The following THOP1 variants were observed in gnomAD, a reference collection of about 807,000 sequenced individuals.
THOP1 encodes the protein thimet oligopeptidase 1, also known as thimet oligopeptidase.
A neutral mutation model predicts 71.8 loss-of-function variants in THOP1; 49 were observed. The observed-to-expected ratio is 0.68, with a 90% CI of 0.54 to 0.87. The LOEUF (loss-of-function observed/expected upper bound fraction) is 0.87. Ranked by LOEUF, THOP1 falls within the 40% of genes least tolerant of loss-of-function variation. THOP1 has a pLI of 0.00. For synonymous variants in THOP1, 426 were observed against 421.5 expected, an observed-to-expected ratio of 1.01 and a Z score of -0.13; for missense variants, 843 against 975.6, an observed-to-expected ratio of 0.86 and a Z score of 1.81.
chr19:2,812,982 G>GC (rs1421324506), intron 12 of THOP1, 133 bp from the exon 13 acceptor site: 3 of 1,059,076 alleles, frequency 2.8e-6, no homozygotes, highest in Non-Finnish European at 2.7e-6. Flanking sequence ...GATGCAGGCG[G>GC]CCCCCGGGCC....
chr19:2,796,273 G>T, intron 4 of THOP1, 85 bp downstream of exon 4: 3 of 1,108,920 alleles, frequency 2.7e-6, no homozygotes, highest in Non-Finnish European at 3.9e-6. Context: ...CAGTCCCAGG[G>T]AGTGGTGGGA....
At chr19:2,799,472 C>G (rs114923877) in intron 4 of THOP1, among the ~76,000 whole-genome samples, 116 of 152,362 alleles carry the variant, frequency 7.6e-4, no homozygotes, top group African/African-American at 2.7e-3. Flanking sequence ...TTGGATGCCG[C>G]AGCTGGTGTT....
intron 4 of THOP1, 141 bp downstream of exon 4, chr19:2,796,329 G>C (rs140374775): frequency 6.0e-5 from 39 of 651,066 alleles, no homozygotes; most frequent in African/African-American, 4.6e-4. Context: ...GGGAGTGCTC[G>C]GCTCAGGGAG....
chr19:2,793,002 C>T (rs1026856150), intron 2 of THOP1, among the ~76,000 whole-genome samples: 1 of 152,176 alleles, frequency 6.6e-6, no homozygotes, highest in Non-Finnish European at 1.5e-5. Context: ...ATCCAGAAAC[C>T]CTGTCTCTAC....
rs1175822938 is a variant in THOP1 at position 2,801,388 on chromosome 19, G to A, written c.589+1597G>A. ...AACTCGAATGTTTGTGGATTTTGGT[G>A]TCTAACTCTTTGGGGTGCCGTTCCA... On this transcript the variant is annotated intron_variant, in intron 5 of 12. Transcript: ENST00000307741. The surrounding 1 kb of genome is among the most constrained non-coding windows in gnomAD (Gnocchi z 5.1). Among the ~76,000 whole-genome samples, 2 of 152,188 alleles carry A rather than the reference G, an allele frequency of 1.3e-5. No individual in the cohort carries two copies. Among genetic ancestry groups the A allele is most frequent in the Non-Finnish European group, 2.9e-5 (2 of 68,036 alleles).
At chr19:2,799,562 C>A in intron 4 of THOP1, 127 bp from the exon 5 acceptor site, 1 of 713,826 alleles carries the variant, frequency 1.4e-6, no homozygotes, top group East Asian at 2.7e-5. Context: ...TCCTCGGTTG[C>A]CTCTTCTTTC....
intron 11 of THOP1, 52 bp downstream of exon 11, chr19:2,810,820 C>G: frequency 6.4e-7 from 1 of 1,571,330 alleles, no homozygotes; most frequent in Middle Eastern, 1.7e-4. Context: ...TCAGCTGCTT[C>G]CCTGGGAAGG....
At chr19:2,810,563 C>T (rs948737189) in intron 10 of THOP1, 73 bp downstream of exon 10, 11 of 1,524,682 alleles carry the variant, frequency 7.2e-6, no homozygotes, top group African/African-American at 4.1e-5. Flanking sequence ...GCATGTGCCC[C>T]GGGTGGGGGT....
intron 12 of THOP1, chr19:2,812,247 C>T: frequency 6.5e-7 from 1 of 1,534,384 alleles, no homozygotes; most frequent in Non-Finnish European, 8.7e-7. Context: ...CCTGTGCCTC[C>T]CGCTGACTTG....
rs907214068 is a variant in THOP1 at position 2,801,448 on chromosome 19, C to G, written c.589+1657C>G. 6.6e-6 allele frequency among the ~76,000 whole-genome samples: 1 copy of G among 152,200 alleles called. No individual in the cohort carries two copies. The highest frequency in any genetic ancestry group is 1.5e-5 in the Non-Finnish European group (1 of 68,036). On this transcript the variant is annotated intron_variant, in intron 5 of 12. Transcript: ENST00000307741. The surrounding 1 kb of genome is among the most constrained non-coding windows in gnomAD (Gnocchi z 5.1). ...CCTGAGGGGTCTCCCGTGCAGGTGG[C>G]TTGAGTCCCATGTGGCCAGGTGACA...
At position 2,810,457 on chromosome 19, in the gene THOP1, G is replaced by A. The variant is rs774848781; in HGVS notation, c.1609G>A (p.Glu537Lys). 20 of 1,578,088 alleles carry A rather than the reference G, an allele frequency of 1.3e-5. No homozygotes were observed. Among genetic ancestry groups the A allele is most frequent in the Middle Eastern group, 2.2e-4 (1 of 4,558 alleles). ...TGSAVPRELLEKLIESRQANT... is the reference protein window; with the variant it reads ...TGSAVPRELLKKLIESRQANT... Reference sequence around the variant, plus strand: ...CAGCGCCGTGCCCCGGGAGCTCCTGGAGAAGCTCATTGAGTCCCGGCAGGC... The same window carrying A: ...CAGCGCCGTGCCCCGGGAGCTCCTGAAGAAGCTCATTGAGTCCCGGCAGGC... The change falls in exon 10 of 13, where the codon GAG becomes AAG. Residue 537 changes from glutamate (E) to lysine (K), a missense_variant. Physicochemically the swap from Glu to Lys is moderately conservative, Grantham distance 56. Transcript: ENST00000307741.
chr19:2,812,865 G>A (rs753275968), intron 12 of THOP1, among the ~76,000 whole-genome samples: 8 of 152,330 alleles, frequency 5.3e-5, no homozygotes, highest in African/African-American at 1.9e-4. Context: ...GGCTGATGGC[G>A]GGAGCCACCT....
At chr19:2,796,278 G>A in intron 4 of THOP1, 90 bp downstream of exon 4, 1 of 1,055,470 alleles carries the variant, frequency 9.5e-7, no homozygotes, top group Non-Finnish European at 1.4e-6. Flanking sequence ...CCAGGGAGTG[G>A]TGGGAGCAAG....
intron 11 of THOP1, 144 bp from the exon 12 acceptor site, chr19:2,811,454 C>T (rs542853975): frequency 2.7e-6 from 3 of 1,126,304 alleles, no homozygotes; most frequent in Non-Finnish European, 3.6e-6. Flanking sequence ...CTAGAAGTAT[C>T]CAGCTGGTCT....
chr19:2,790,654 G>A (rs1477941128), intron 2 of THOP1, 21 bp downstream of exon 2: 1 of 1,505,998 alleles, frequency 6.6e-7, no homozygotes, highest in Admixed American at 2.3e-5. Flanking sequence ...GGCAGGGTCT[G>A]TGCGTGGGCC....
intron 2 of THOP1, among the ~76,000 whole-genome samples, chr19:2,793,582 C>T (rs918348003): frequency 5.3e-5 from 8 of 151,938 alleles, no homozygotes; most frequent in African/African-American, 1.9e-4. Flanking sequence ...CCCAGCTACT[C>T]GGGAGGCCGA....
chr19:2,807,919 G>C, intron 8 of THOP1, 111 bp downstream of exon 8: 1 of 1,271,404 alleles, frequency 7.9e-7, no homozygotes, highest in Non-Finnish European at 1.0e-6. Flanking sequence ...ATGGGGCCTC[G>C]GGGATGAACC....
intron 4 of THOP1, 55 bp from the exon 5 acceptor site, chr19:2,799,634 C>A: frequency 6.9e-7 from 1 of 1,452,144 alleles, no homozygotes; most frequent in South Asian, 1.2e-5. Context: ...GTTGCGTCTC[C>A]CCGCGGAGCC....
intron 1 of THOP1, among the ~76,000 whole-genome samples, chr19:2,787,831 C>T (rs1003061600): frequency 6.6e-6 from 1 of 152,222 alleles, no homozygotes; most frequent in South Asian, 2.1e-4. Context: ...CAGCACCCTG[C>T]AGTGCCCAGG....
Sources: gnomAD v4.1 joint callset for allele counts (sites outside exome capture counted in the v4.1 genomes callset) on GRCh38, gnomAD v4.1.1 for gene constraint, Gnocchi (gnomAD v3.1) non-coding constraint, MANE v1.5 for transcripts, NCBI Gene and HGNC (gene_info 2026-07-23, HGNC 2026-07-21) for gene names.